PDE4D: variants seen among roughly 807,000 people sequenced by gnomAD.
PDE4D encodes phosphodiesterase 4D.
In PDE4D, 24 loss-of-function variants were observed where a neutral mutation model predicts 87.4. The observed-to-expected ratio is 0.27, with a 90% CI of 0.20 to 0.39. The LOEUF is 0.39. Ranked by LOEUF, PDE4D falls within the 10% of genes least tolerant of loss-of-function variation. The pLI is 1.00. For missense variants in PDE4D, 714 were observed against 1,041.0 expected, an observed-to-expected ratio of 0.69 and a Z score of 4.32; for synonymous variants, 384 against 383.2, an observed-to-expected ratio of 1.00 and a Z score of -0.02.
intron 2 of PDE4D, among the ~76,000 whole-genome samples, chr5:60,125,938 C>T (rs1314058726): frequency 2.6e-5 from 4 of 152,052 alleles, no homozygotes; most frequent in Admixed American, 6.6e-5. Context: ...TATGGTTTTG[C>T]TATTTTGAGT....
At chr5:60,367,451 CAA>C (rs34724141) in intron 1 of PDE4D, among the ~76,000 whole-genome samples, 5 of 131,786 alleles carry the variant, frequency 3.8e-5, no homozygotes, top group Admixed American at 7.7e-5. Flanking sequence ...AACTCCATAT[CAA>C]AAAAAAAAAA....
At position 59,243,749 on chromosome 5, in the gene PDE4D, C is replaced by T. The variant is rs899134084; in HGVS notation, c.456-27781G>A. Among the ~76,000 whole-genome samples the T allele has an allele frequency of 4.0e-5, 6 of 151,878 alleles. No individual in the cohort carries two copies. The East Asian group carries it at 1.2e-3, about 29-fold the overall frequency. On this transcript the variant is annotated intron_variant, in intron 1 of 14. Transcript: ENST00000340635. The stretch of plus-strand genomic sequence containing the variant: ...TGCTGGAATTACAGGCGTGAGCCAC[C>T]GGAACTGTTTTTTTATATGTAGGCT...
intron 2 of PDE4D, among the ~76,000 whole-genome samples, chr5:60,168,024 C>T (rs1337871041): frequency 5.9e-5 from 9 of 152,102 alleles, no homozygotes; most frequent in Non-Finnish European, 8.8e-5. Context: ...TGGCATGATC[C>T]CCCTGTCCAA....
At chr5:60,369,388 A>T (rs1316619338) in intron 1 of PDE4D, among the ~76,000 whole-genome samples, 1 of 152,096 alleles carries the variant, frequency 6.6e-6, no homozygotes, top group Non-Finnish European at 1.5e-5. Flanking sequence ...TCTGACTTCC[A>T]CGTCTTTATT....
chr5:59,201,964 A>G (rs1245266182), intron 2 of PDE4D, among the ~76,000 whole-genome samples: 1 of 150,698 alleles, frequency 6.6e-6, no homozygotes, highest in Non-Finnish European at 1.5e-5. Flanking sequence ...CCAAATTGAA[A>G]CTTTTCAACG....
intron 5 of PDE4D, among the ~76,000 whole-genome samples, chr5:59,140,665 G>A (rs1050012397): frequency 6.6e-6 from 1 of 152,130 alleles, no homozygotes; most frequent in Non-Finnish European, 1.5e-5. Context: ...AGAAAAATTT[G>A]TTACTGAATA....
chr5:60,475,672 A>G (rs1481927408), intron 1 of PDE4D, among the ~76,000 whole-genome samples: 1 of 152,170 alleles, frequency 6.6e-6, no homozygotes, highest in African/African-American at 2.4e-5. Context: ...AAATGTTTCT[A>G]TGTTCTAAGG....
chr5:59,361,761 G>A (rs910783427), intron 1 of PDE4D, among the ~76,000 whole-genome samples: 8 of 152,110 alleles, frequency 5.3e-5, no homozygotes, highest in Non-Finnish European at 8.8e-5. Context: ...AAACAGTCTA[G>A]AGACATAAAA....
intron 1 of PDE4D, among the ~76,000 whole-genome samples, chr5:59,372,722 C>T (rs1312000306): frequency 6.6e-6 from 1 of 152,218 alleles, no homozygotes; most frequent in African/African-American, 2.4e-5. Flanking sequence ...CTGTAAGCTG[C>T]ATTGCCTCTG....
intron 2 of PDE4D, among the ~76,000 whole-genome samples, chr5:60,071,798 G>A (rs761118763): frequency 2.0e-5 from 3 of 152,066 alleles, no homozygotes; most frequent in Admixed American, 6.6e-5. Context: ...GCATTAGTTT[G>A]CTAAAGATAA....
chr5:59,155,025 C>T (rs2153461904), intron 5 of PDE4D, among the ~76,000 whole-genome samples: 1 of 152,268 alleles, frequency 6.6e-6, no homozygotes, highest in South Asian at 2.1e-4. Context: ...CAGCTCTGGA[C>T]ATATTGGATT....
chr5:59,256,204 C>T (rs1760934182), intron 1 of PDE4D, among the ~76,000 whole-genome samples: 1 of 152,084 alleles, frequency 6.6e-6, no homozygotes, highest in Admixed American at 6.6e-5. Context: ...AATACACTTT[C>T]TTTCTGATAA....
At chr5:60,002,854 A>G (rs1230487414) in intron 2 of PDE4D, among the ~76,000 whole-genome samples, 1 of 152,196 alleles carries the variant, frequency 6.6e-6, no homozygotes, top group African/African-American at 2.4e-5. Flanking sequence ...CTGCTTCTCT[A>G]AAATCTGAAA....
chr5:60,118,367 G>A (rs1243979583), intron 2 of PDE4D, among the ~76,000 whole-genome samples: 1 of 152,096 alleles, frequency 6.6e-6, no homozygotes, highest in Non-Finnish European at 1.5e-5. Context: ...CTTCACACTT[G>A]AGGGTTTGAT....
chr5:59,888,298 A>G (rs1257790252), intron 1 of PDE4D, among the ~76,000 whole-genome samples: 2 of 152,138 alleles, frequency 1.3e-5, no homozygotes, highest in Admixed American at 1.3e-4. Flanking sequence ...ACCACCTCCC[A>G]TTTCCATGAA....
chr5:59,225,146 G>A (rs1042417497), intron 1 of PDE4D, among the ~76,000 whole-genome samples: 2 of 152,292 alleles, frequency 1.3e-5, no homozygotes, highest in African/African-American at 2.4e-5. Context: ...AGCTTCAGGT[G>A]TTATAATTAA....
chr5:59,105,027 C>T (rs1043424947), intron 5 of PDE4D, among the ~76,000 whole-genome samples: 1 of 152,196 alleles, frequency 6.6e-6, no homozygotes, highest in African/African-American at 2.4e-5. Context: ...TTATTCTTGG[C>T]ACGTACTTCT....
chr5:60,421,955 TC>T (rs1304507323), intron 1 of PDE4D, among the ~76,000 whole-genome samples: 1 of 151,882 alleles, frequency 6.6e-6, no homozygotes, highest in Non-Finnish European at 1.5e-5. Context: ...TGACTGAAGA[TC>T]AAATGAATGA....
chr5:60,419,087 T>C (rs745853338), intron 1 of PDE4D, among the ~76,000 whole-genome samples: 17 of 152,218 alleles, frequency 1.1e-4, no homozygotes, highest in Non-Finnish European at 2.2e-4. Context: ...TTTGGCAACA[T>C]TTAACTAAGT....
Sources: gnomAD v4.1 joint callset for allele counts (sites outside exome capture counted in the v4.1 genomes callset) on GRCh38, gnomAD v4.1.1 for gene constraint, MANE v1.5 for transcripts, NCBI Gene and HGNC (gene_info 2026-07-23, HGNC 2026-07-21) for gene names.